Variants in RAB6B observed in about 807,000 individuals in gnomAD.
The protein encoded by RAB6B is ras-related protein Rab-6B.
Under a neutral mutation model 31.2 loss-of-function variants are expected in RAB6B, and 7 were observed. That is an observed-to-expected ratio of 0.22 (90% CI 0.13 to 0.42). The LOEUF (loss-of-function observed/expected upper bound fraction) is 0.42. Among genes scored for constraint, RAB6B ranks in the 10% least tolerant of loss-of-function variants. The pLI is 1.00. For synonymous variants in RAB6B, 105 were observed against 104.9 expected (o/e 1.00, Z -0.01); for missense variants, 149 against 280.6 (o/e 0.53, Z 3.35).
At position 133,842,323 on chromosome 3, in the gene RAB6B, G is replaced by C. The variant is rs545119860; in HGVS notation, c.130-660C>G. Among the ~76,000 whole-genome samples the C allele has an allele frequency of 1.7e-4, 26 of 152,372 alleles. 1 individual carries two copies. Among genetic ancestry groups the C allele is most frequent in the Admixed American group, 1.4e-3 (21 of 15,306 alleles). On this transcript the variant is annotated intron_variant, in intron 2 of 7. Coordinates refer to ENST00000285208, the MANE Select transcript of RAB6B (RefSeq NM_016577.4). ...CCCTGGCACCTGTGAGAGGCAGCCA[G>C]CCTTGTGGCCAGATGGCCAGGACCC...
chr3:133,840,243 CA>C (rs1362514255), intron 4 of RAB6B, among the ~76,000 whole-genome samples: 1 of 152,174 alleles, frequency 6.6e-6, no homozygotes, highest in Non-Finnish European at 1.5e-5. Context: ...CCAGGAGAGA[CA>C]AGGCCACTTC....
At chr3:133,889,388 TTATATATATATA>T (rs5852771) in intron 1 of RAB6B, among the ~76,000 whole-genome samples, 1,687 of 79,850 alleles carry the variant, frequency 0.021, 60 homozygotes, top group Non-Finnish European at 0.03. Context: ...GGTTATTTTG[TTATATATATATA>T]TATATATATA....
At chr3:133,879,060 T>C (rs188303142) in intron 1 of RAB6B, among the ~76,000 whole-genome samples, 1 of 152,266 alleles carries the variant, frequency 6.6e-6, no homozygotes, top group East Asian at 1.9e-4. Context: ...TTGGGTTAGT[T>C]CCTATTCTCT....
chr3:133,830,048 C>G (rs1935633630), intron 7 of RAB6B, among the ~76,000 whole-genome samples: 2 of 152,222 alleles, frequency 1.3e-5, no homozygotes, highest in Non-Finnish European at 2.9e-5. Context: ...CCCACTGCAG[C>G]CCACCTTTTG....
At chr3:133,888,101 T>C (rs1158499656) in intron 1 of RAB6B, among the ~76,000 whole-genome samples, 1 of 152,226 alleles carries the variant, frequency 6.6e-6, no homozygotes, top group Non-Finnish European at 1.5e-5. Flanking sequence ...GACCTCAGTG[T>C]TCTTCTGTCT....
At chr3:133,889,021 G>A (rs921215549) in intron 1 of RAB6B, among the ~76,000 whole-genome samples, 71 of 152,282 alleles carry the variant, frequency 4.7e-4, no homozygotes, top group Admixed American at 2.7e-3. Context: ...GGAAAAGAAT[G>A]GCAGACGCAG....
chr3:133,827,167 C>G lies in RAB6B; in HGVS notation c.*1621G>C, dbSNP rs1334203885. 1 of 152,376 alleles carries G rather than the reference C, an allele frequency of 6.6e-6. No homozygotes were observed. Among genetic ancestry groups the G allele is most frequent in the Non-Finnish European group, 1.5e-5 (1 of 68,062 alleles). 9.4% of individuals were successfully genotyped at this position (152,376 alleles called of 1,614,324 possible). A position where few individuals can be genotyped will look rare whatever the true frequency, so the allele number is the denominator to read the frequency against. ...GTCCTGCCAGATTCTGCTGCACTTA[C>G]TGCCTGCCATTTCAGATTAATTTCT... is the stretch of plus-strand genomic sequence containing the variant. On this transcript the variant is annotated 3_prime_UTR_variant, in exon 8 of 8. Coordinates refer to ENST00000285208, the MANE Select transcript of RAB6B (RefSeq NM_016577.4).
chr3:133,855,588 G>A (rs748932664), intron 2 of RAB6B, among the ~76,000 whole-genome samples: 2 of 152,210 alleles, frequency 1.3e-5, no homozygotes, highest in African/African-American at 2.4e-5. Context: ...TCCCTGAGAG[G>A]CCTCCCAAAG....
Position 133,828,396 on chromosome 3 carries a change from G to C in RAB6B, c.*392C>G. ...ATGGTTCAAAGAGAACAGGAAGGAG[G>C]AGGTGTGTGGAAAAGGTTCTCTATA... On this transcript the variant is annotated 3_prime_UTR_variant, in exon 8 of 8. Transcript: ENST00000285208. The C allele has an allele frequency of 2.8e-6, 1 of 357,028 alleles. No homozygotes were observed. 22.1% of individuals were successfully genotyped at this position (357,028 alleles called of 1,614,324 possible). A position where few individuals can be genotyped will look rare whatever the true frequency, so the allele number is the denominator to read the frequency against.
Position 133,839,607 on chromosome 3 carries a change from G to A in RAB6B, c.300C>T (p.Ser100=). 2 of 1,612,996 alleles carry A rather than the reference G, an allele frequency of 1.2e-6. No homozygotes were observed. Among genetic ancestry groups the A allele is most frequent in the Non-Finnish European group, 1.7e-6 (2 of 1,178,892 alleles). Residue 100 remains serine, a synonymous_variant, in exon 5 of 8, where the codon TCC becomes TCT. Transcript: ENST00000285208. The part of the protein sequence containing the change: ...VVVYDITNLN[S]FQQTSKWIDD... ...CGATCCACTTAGAGGTCTGTTGGAA[G>A]GAGTTGAGATCTGGAGGCAGAAAGT...
chr3:133,847,083 C>T (rs995892604), intron 2 of RAB6B, among the ~76,000 whole-genome samples: 2 of 152,250 alleles, frequency 1.3e-5, no homozygotes, highest in African/African-American at 4.8e-5. Flanking sequence ...CGTCCTATCA[C>T]AGTAACAATG....
chr3:133,881,000 C>T (rs1936459383), intron 1 of RAB6B, among the ~76,000 whole-genome samples: 1 of 152,244 alleles, frequency 6.6e-6, no homozygotes, highest in Non-Finnish European at 1.5e-5. Flanking sequence ...GACCACCAAG[C>T]AGGCCAGGAG....
chr3:133,852,395 C>T (rs1021089214), intron 2 of RAB6B, among the ~76,000 whole-genome samples: 1 of 152,108 alleles, frequency 6.6e-6, no homozygotes, highest in African/African-American at 2.4e-5. Context: ...GTAACACTGT[C>T]ACTAGATGCC....
At chr3:133,855,500 A>C (rs1936062082) in intron 2 of RAB6B, among the ~76,000 whole-genome samples, 1 of 152,174 alleles carries the variant, frequency 6.6e-6, no homozygotes, top group Non-Finnish European at 1.5e-5. Context: ...TCAAATTTTA[A>C]ATAAGGTTAA....
chr3:133,883,331 G>T (rs1359016259), intron 1 of RAB6B, among the ~76,000 whole-genome samples: 1 of 152,216 alleles, frequency 6.6e-6, no homozygotes, highest in East Asian at 1.9e-4. Context: ...CTGGGCTGGA[G>T]CTCCTCATCT....
intron 1 of RAB6B, among the ~76,000 whole-genome samples, chr3:133,874,701 T>C (rs1936367682): frequency 6.6e-6 from 1 of 152,242 alleles, no homozygotes; most frequent in Non-Finnish European, 1.5e-5. Flanking sequence ...TGTTTTAACA[T>C]TTTGACTCTT....
In RAB6B at chr3:133,889,438, A is replaced by ATT. The variant is rs1388326610; in HGVS notation, c.70+5958_70+5959insAA. 5.5e-4 allele frequency among the ~76,000 whole-genome samples: 39 copies of ATT among 70,774 alleles called. 2 individuals carry two copies. Among genetic ancestry groups the ATT allele is most frequent in the African/African-American group, 1.9e-3 (36 of 18,468 alleles). The allele number at this position is 70,774 out of a possible 152,430, so 46.4% of individuals were successfully genotyped here. A position where few individuals can be genotyped will look rare whatever the true frequency, so the allele number is the denominator to read the frequency against. ...TATATATATATATATATATATATAT[A>ATT]TATATATTTATTTTGGGATGGAGTT... On this transcript the variant is annotated intron_variant, in intron 1 of 7. Coordinates refer to ENST00000285208, the MANE Select transcript of RAB6B (RefSeq NM_016577.4).
chr3:133,888,526 T>C (rs914686939), intron 1 of RAB6B, among the ~76,000 whole-genome samples: 6 of 152,354 alleles, frequency 3.9e-5, no homozygotes, highest in South Asian at 4.1e-4. Flanking sequence ...TGTCAGCCCC[T>C]TGGGACAGGT....
intron 1 of RAB6B, among the ~76,000 whole-genome samples, chr3:133,890,049 G>C (rs901353619): frequency 1.2e-4 from 19 of 152,074 alleles, no homozygotes; most frequent in Admixed American, 3.3e-4. Context: ...CTCCACAAAG[G>C]TGCCCCTTCT....
Sources: allele counts gnomAD v4.1 joint callset (sites outside exome capture counted in the v4.1 genomes callset), GRCh38; gene constraint gnomAD v4.1.1; transcripts MANE v1.5; gene names NCBI Gene and HGNC (gene_info 2026-07-23, HGNC 2026-07-21).